The following TRMO variants were observed in gnomAD, a reference collection of about 807,000 sequenced individuals.
TRMO encodes tRNA methyltransferase O, also known as tRNA (adenine(37)-N6)-methyltransferase.
TRMO carries 30 observed loss-of-function variants against 37.2 expected under a neutral mutation model. The observed-to-expected ratio is 0.81, with a 90% CI of 0.60 to 1.09. The LOEUF (loss-of-function observed/expected upper bound fraction) is 1.09. TRMO is among the 50% of genes least tolerant of loss of function. TRMO has a pLI of 0.00. For synonymous variants in TRMO, 239 were observed against 199.4 expected, an observed-to-expected ratio of 1.20 and a Z score of -1.67; for missense variants, 552 against 549.5, an observed-to-expected ratio of 1.00 and a Z score of -0.05.
chr9:97,915,900 G>C (rs1826336080), intron 2 of TRMO: 1 of 281,070 alleles, frequency 3.6e-6, no homozygotes, highest in Non-Finnish European at 6.6e-6. Context: ...AATTAGCCAG[G>C]CATGGTGGCA....
At chr9:97,913,324 C>T in intron 3 of TRMO, 77 bp downstream of exon 3, 1 of 1,557,496 alleles carries the variant, frequency 6.4e-7, no homozygotes, top group East Asian at 2.2e-5. Context: ...GAATAAACAG[C>T]CAGTGGTGAA....
chr9:97,910,521 C>T lies in TRMO; in HGVS notation c.505G>A (p.Val169Met). 6.2e-7 allele frequency: 1 copy of T among 1,614,206 alleles called. No homozygotes were observed. The highest frequency in any genetic ancestry group is 1.3e-5 in the African/African-American group (1 of 75,044). ...YIAEYDSPQNVMEPLADFNLQ... is the reference protein window; with the variant it reads ...YIAEYDSPQNMMEPLADFNLQ... ...TTAAAGTCTGCTAAAGGCTCCATCACATTTTGCGGTGAGTCATACTCAGCT... is the reference window on the plus strand; with the variant it reads ...TTAAAGTCTGCTAAAGGCTCCATCATATTTTGCGGTGAGTCATACTCAGCT... Residue 169 changes from valine (V) to methionine (M), a missense_variant, in exon 4 of 5, where the codon GTG becomes ATG. Coordinates refer to ENST00000375119, the MANE Select transcript of TRMO (RefSeq NM_016481.5).
intron 3 of TRMO, chr9:97,911,916 T>A (rs914204527): frequency 6.6e-6 from 1 of 152,324 alleles, no homozygotes; most frequent in Non-Finnish European, 1.5e-5. Context: ...CTGAAACATG[T>A]TATTATGAAT....
chr9:97,915,954 T>C (rs1361842462), intron 2 of TRMO, among the ~76,000 whole-genome samples: 2 of 152,150 alleles, frequency 1.3e-5, no homozygotes, highest in African/African-American at 2.4e-5. Flanking sequence ...GGTGGAAGGA[T>C]ACCTTGAGCT....
the TRMO span, among the ~76,000 whole-genome samples, chr9:97,897,848 T>A: frequency 1.1e-4 from 17 of 152,150 alleles, no homozygotes; most frequent in Middle Eastern, 3.4e-3. Context: ...AATCCTACTT[T>A]AAAAAATTTT....
chr9:97,903,724 C>A (rs1825737079), downstream of TRMO, among the ~76,000 whole-genome samples: 1 of 152,204 alleles, frequency 6.6e-6, no homozygotes, highest in Non-Finnish European at 1.5e-5. Context: ...AGAACTACAT[C>A]TTGTCATCTT....
intron 4 of TRMO, among the ~76,000 whole-genome samples, chr9:97,909,742 A>G (rs1304599196): frequency 3.3e-5 from 5 of 152,232 alleles, no homozygotes; most frequent in Admixed American, 1.3e-4. Context: ...CTCTCTGCCA[A>G]TGCTTTACTG....
chr9:97,910,460 G>A lies in TRMO; in HGVS notation c.566C>T (p.Ser189Phe). ...QNNQHTPNTV[S>F]QSDSKTDSCD... The stretch of plus-strand genomic sequence containing the variant: ...GCTGTCAGTCTTGCTGTCAGACTGG[G>A]ACACAGTGTTTGGTGTATGTTGGTT... Residue 189 changes from serine to phenylalanine, a missense_variant, in exon 4 of 5, where the codon TCC becomes TTC. Coordinates refer to ENST00000375119, the MANE Select transcript of TRMO (RefSeq NM_016481.5). 1.2e-6 allele frequency: 2 copies of A among 1,614,168 alleles called. No individual in the cohort carries two copies. The highest frequency in any genetic ancestry group is 1.7e-6 in the Non-Finnish European group (2 of 1,180,012).
At chr9:97,922,360 G>C (rs1175328469) in intron 1 of TRMO, 58 bp downstream of exon 1, 4 of 1,219,036 alleles carry the variant, frequency 3.3e-6, no homozygotes, top group Admixed American at 2.1e-5. Context: ...CGGCAACGAA[G>C]TCCGCTGCCT....
chr9:97,906,600 C>T (rs568029326), intron 4 of TRMO, among the ~76,000 whole-genome samples: 4 of 152,148 alleles, frequency 2.6e-5, no homozygotes, highest in Admixed American at 2.0e-4. Flanking sequence ...AGTTACACTG[C>T]GTAATTTCTC....
chr9:97,913,467 A>G lies in TRMO; in HGVS notation c.343T>C (p.Ser115Pro). The change falls in exon 3 of 5, where the codon TCC (serine) becomes CCC (proline). Residue 115 changes from serine (S) to proline (P), a missense_variant. Physicochemically the swap from Ser to Pro is moderately conservative, Grantham distance 74. Coordinates refer to ENST00000375119, the MANE Select transcript of TRMO (RefSeq NM_016481.5). Reference sequence around the variant, plus strand: ...TTGGGACGATGAGGGCTCCTTGTGGAAAAAACTCCAGTCTTTGCACCATTC... The same window carrying G: ...TTGGGACGATGAGGGCTCCTTGTGGGAAAAACTCCAGTCTTTGCACCATTC... ...RLNGAKTGVFSTRSPHRPNAI... is the reference protein window; with the variant it reads ...RLNGAKTGVFPTRSPHRPNAI... 1 of 1,614,100 alleles carries G rather than the reference A, an allele frequency of 6.2e-7. No individual in the cohort carries two copies. Among genetic ancestry groups the G allele is most frequent in the Non-Finnish European group, 8.5e-7 (1 of 1,179,974 alleles).
At chr9:97,910,756 C>G in intron 3 of TRMO, 140 bp from the exon 4 acceptor site, 1 of 944,558 alleles carries the variant, frequency 1.1e-6, no homozygotes. Flanking sequence ...AGTACCAACA[C>G]ACACCCTTCT....
chr9:97,899,434 T>TTATTTATTTATC, the TRMO span, among the ~76,000 whole-genome samples: 4 of 151,392 alleles, frequency 2.6e-5, no homozygotes, highest in Non-Finnish European at 5.9e-5. Context: ...ATGTACGTAT[T>TTATTTATTTATC]TATTTATTTA....
At chr9:97,916,941 T>C (rs1375834313) in intron 1 of TRMO, among the ~76,000 whole-genome samples, 2 of 151,618 alleles carry the variant, frequency 1.3e-5, no homozygotes, top group African/African-American at 2.4e-5. Context: ...CTTGAACTCC[T>C]GACCCGCCCA....
chr9:97,902,084 C>A (rs745341851), downstream of TRMO, among the ~76,000 whole-genome samples: 2 of 152,170 alleles, frequency 1.3e-5, no homozygotes, highest in Admixed American at 6.5e-5. Context: ...GCCTGTGTGG[C>A]CTCTCTAGTG....
chr9:97,905,484 G>T (rs1289948413), intron 4 of TRMO, among the ~76,000 whole-genome samples: 1 of 152,138 alleles, frequency 6.6e-6, no homozygotes, highest in Non-Finnish European at 1.5e-5. Context: ...TAGTATCACA[G>T]ACCCGCAGTT....
intron 3 of TRMO, 29 bp from the exon 4 acceptor site, chr9:97,910,645 A>G: frequency 6.2e-7 from 1 of 1,604,468 alleles, no homozygotes; most frequent in Non-Finnish European, 8.5e-7. Flanking sequence ...AAAAATGAAG[A>G]ACAGTGCAAA....
intron 3 of TRMO, chr9:97,912,923 C>T (rs1431873168): frequency 1.5e-6 from 2 of 1,304,608 alleles, no homozygotes; most frequent in East Asian, 1.1e-4. Flanking sequence ...TCCTGCCACA[C>T]AGCACAGTTG....
chr9:97,913,691 T>C (rs1826231595), intron 2 of TRMO, 133 bp from the exon 3 acceptor site: 1 of 631,578 alleles, frequency 1.6e-6, no homozygotes, highest in African/African-American at 1.8e-5. Flanking sequence ...AGTATTAACT[T>C]GTCATCTGGT....
Sources: allele counts gnomAD v4.1 joint callset (sites outside exome capture counted in the v4.1 genomes callset), GRCh38; gene constraint gnomAD v4.1.1; transcripts MANE v1.5; gene names NCBI Gene and HGNC (gene_info 2026-07-23, HGNC 2026-07-21).